Variants in RINT1 observed in about 807,000 individuals in gnomAD.
The protein encoded by RINT1 is RAD50 interactor 1.
RINT1 carries 75 observed loss-of-function variants against 97.7 expected under a neutral mutation model. That is an observed-to-expected ratio of 0.77 (90% CI 0.64 to 0.93). The LOEUF is 0.93. RINT1 is among the 40% of genes least tolerant of loss of function. RINT1 has a pLI of 0.00. For missense variants in RINT1, 892 were observed against 925.2 expected, an observed-to-expected ratio of 0.96 and a Z score of 0.47; for synonymous variants, 303 against 326.3, an observed-to-expected ratio of 0.93 and a Z score of 0.77.
intron 2 of RINT1, chr7:105,535,749 G>C (rs767126809): frequency 3.0e-6 from 1 of 336,688 alleles, no homozygotes; most frequent in Non-Finnish European, 5.9e-6. Context: ...TGTTGCCTAG[G>C]CTGGTCTAGA....
chr7:105,564,054 A>T, intron 12 of RINT1, 107 bp downstream of exon 12: 2 of 729,508 alleles, frequency 2.7e-6, no homozygotes, highest in East Asian at 5.3e-5. Flanking sequence ...GGCCTTATGT[A>T]CTTTATTGTT....
At chr7:105,554,405 T>A (rs1450007846) in intron 10 of RINT1, among the ~76,000 whole-genome samples, 1 of 151,862 alleles carries the variant, frequency 6.6e-6, no homozygotes, top group Non-Finnish European at 1.5e-5. Context: ...AAATGCTGTT[T>A]ATTTGTGTTG....
intron 10 of RINT1, among the ~76,000 whole-genome samples, chr7:105,553,576 C>T (rs1375290907): frequency 6.6e-6 from 1 of 150,824 alleles, no homozygotes; most frequent in East Asian, 2.0e-4. Context: ...AAAAAATTAG[C>T]CAGGCATGGT....
intron 10 of RINT1, among the ~76,000 whole-genome samples, chr7:105,553,459 A>T (rs9689986): frequency 6.6e-6 from 1 of 150,384 alleles, no homozygotes; most frequent in Non-Finnish European, 1.5e-5. Context: ...GGTGGCTCAC[A>T]CCTGTAATCC....
In RINT1 at chr7:105,532,285, G is replaced by A. The variant is rs962979327; in HGVS notation, c.-31G>A. 6.4e-7 allele frequency: 1 copy of A among 1,563,146 alleles called. No individual in the cohort carries two copies. Among genetic ancestry groups the A allele is most frequent in the African/African-American group, 1.4e-5 (1 of 73,916 alleles). On this transcript the variant is annotated 5_prime_UTR_variant, in exon 1 of 15. Transcript: ENST00000257700. ...AGACTCCACAGGCCACGCTGGCTGC[G>A]AATGGAGCCGAGGACTCGCGCGGAG...
In RINT1 at chr7:105,567,347, C is replaced by T. The variant is rs762855022; in HGVS notation, c.*36C>T. On this transcript the variant is annotated 3_prime_UTR_variant, in exon 15 of 15. Coordinates refer to ENST00000257700, the MANE Select transcript of RINT1 (RefSeq NM_021930.6). ...AAAAAGGTTTCTTTGGTTTTTGTTT[C>T]TAAGAAAGAGGAAGCCAATTGGATT... 6.8e-7 allele frequency: 1 copy of T among 1,462,308 alleles called. No homozygotes were observed. Among genetic ancestry groups the T allele is most frequent in the Admixed American group, 2.0e-5 (1 of 50,038 alleles). 90.6% of individuals were successfully genotyped at this position (1,462,308 alleles called of 1,614,324 possible). A position where few individuals can be genotyped will look rare whatever the true frequency, so the allele number is the denominator to read the frequency against.
At chr7:105,542,787 C>T in intron 4 of RINT1, 138 bp downstream of exon 4, 1 of 899,694 alleles carries the variant, frequency 1.1e-6, no homozygotes, top group Non-Finnish European at 1.5e-6. Context: ...GTGAAAATAG[C>T]ATTATGATAA....
At chr7:105,551,501 A>G (rs1790922551) in intron 9 of RINT1, 69 bp from the exon 10 acceptor site, 1 of 1,360,378 alleles carries the variant, frequency 7.4e-7, no homozygotes, top group African/African-American at 1.5e-5. Flanking sequence ...TTCCTAAAAA[A>G]TTACAAGTTG....
intron 9 of RINT1, among the ~76,000 whole-genome samples, 169 bp from the exon 10 acceptor site, chr7:105,551,401 A>C (rs980385480): frequency 6.6e-6 from 1 of 152,156 alleles, no homozygotes; most frequent in Admixed American, 6.6e-5. Flanking sequence ...GATGGGAGTA[A>C]AGTATCCTGT....
chr7:105,541,233 G>T (rs962901824), intron 3 of RINT1, among the ~76,000 whole-genome samples: 1 of 151,202 alleles, frequency 6.6e-6, no homozygotes, highest in Admixed American at 6.6e-5. Context: ...ACCTCCTCCC[G>T]GTTCAAGTGA....
intron 11 of RINT1, among the ~76,000 whole-genome samples, chr7:105,556,574 G>A (rs1791190859): frequency 6.6e-6 from 1 of 151,530 alleles, no homozygotes; most frequent in South Asian, 2.1e-4. Flanking sequence ...CTGATTTATT[G>A]GAAGGTATAT....
chr7:105,567,470 AT>A lies in RINT1; in HGVS notation c.*162del, dbSNP rs1406819285. 5.6e-6 allele frequency: 4 copies of A among 712,238 alleles called. No individual in the cohort carries two copies. The African/African-American group carries it at 7.0e-5, about 12-fold the overall frequency. The allele number at this position is 712,238 out of a possible 1,614,324, so 44.1% of individuals were successfully genotyped here. On this transcript the variant is annotated 3_prime_UTR_variant, in exon 15 of 15. Transcript: ENST00000257700. Reference sequence around the variant, plus strand: ...ATGGTGTTATTAAAATGCTGACCATATTTCCTTCATCCTCTTGTTCCTAAGG... The same window carrying A: ...ATGGTGTTATTAAAATGCTGACCATATTCCTTCATCCTCTTGTTCCTAAGG...
chr7:105,553,985 G>C (rs1791059899), intron 10 of RINT1, among the ~76,000 whole-genome samples: 1 of 136,352 alleles, frequency 7.3e-6, no homozygotes, highest in Admixed American at 8.3e-5. Context: ...CGCAAGCTCT[G>C]CCTCCCGGGT....
intron 3 of RINT1, 73 bp downstream of exon 3, chr7:105,536,822 A>G: frequency 2.3e-6 from 2 of 865,212 alleles, no homozygotes; most frequent in Non-Finnish European, 3.2e-6. Flanking sequence ...ATAATCTATT[A>G]TATATAGAAT....
At chr7:105,564,378 C>T (rs1791592056) in intron 12 of RINT1, among the ~76,000 whole-genome samples, 1 of 152,156 alleles carries the variant, frequency 6.6e-6, no homozygotes, top group Middle Eastern at 3.2e-3. Context: ...TGAGCCACCA[C>T]ACCTGGCTGA....
chr7:105,554,050 C>T (rs1233389050), intron 10 of RINT1, among the ~76,000 whole-genome samples: 2 of 151,932 alleles, frequency 1.3e-5, no homozygotes, highest in Non-Finnish European at 2.9e-5. Context: ...AGGCACCCGC[C>T]ACCACACTCG....
chr7:105,550,583 A>G, intron 9 of RINT1, 97 bp downstream of exon 9: 1 of 864,252 alleles, frequency 1.2e-6, no homozygotes, highest in Non-Finnish European at 1.8e-6. Flanking sequence ...TAGGAACTAG[A>G]GCCATTTGAA....
At chr7:105,536,012 A>G (rs1790215411) in intron 2 of RINT1, among the ~76,000 whole-genome samples, 1 of 152,196 alleles carries the variant, frequency 6.6e-6, no homozygotes, top group South Asian at 2.1e-4. Flanking sequence ...AGCATTTTGC[A>G]GTAGTTGTTT....
intron 14 of RINT1, chr7:105,566,862 T>C (rs1435852138): frequency 1.6e-5 from 4 of 243,860 alleles, no homozygotes; most frequent in Non-Finnish European, 3.1e-5. Flanking sequence ...GTGTTAATAT[T>C]AAGTATTGTA....
Sources: allele counts gnomAD v4.1 joint callset (sites outside exome capture counted in the v4.1 genomes callset), GRCh38; gene constraint gnomAD v4.1.1; transcripts MANE v1.5; gene names NCBI Gene and HGNC (gene_info 2026-07-23, HGNC 2026-07-21).